The following PCDHGB1 variants were observed in gnomAD, a reference collection of about 807,000 sequenced individuals.
PCDHGB1 encodes protocadherin gamma-B1.
A neutral mutation model predicts 56.6 loss-of-function variants in PCDHGB1; 34 were observed. The ratio of observed to expected loss-of-function variants is 0.60; its 90% confidence interval spans 0.46 to 0.80. The LOEUF (loss-of-function observed/expected upper bound fraction) is 0.80. PCDHGB1 is among the 30% of genes least tolerant of loss of function. PCDHGB1 has a pLI of 0.00. For missense variants in PCDHGB1, 1,278 were observed against 1,204.6 expected (o/e 1.06, Z -0.90); for synonymous variants, 561 against 505.9 (o/e 1.11, Z -1.46).
intron 2 of PCDHGB1, among the ~76,000 whole-genome samples, chr5:141,500,421 G>A (rs1247202322): frequency 6.6e-6 from 1 of 151,852 alleles, no homozygotes; most frequent in Non-Finnish European, 1.5e-5. Flanking sequence ...GTGTTAGCCA[G>A]GATGGTCTCG....
At chr5:141,422,724 G>A (rs560544401) in intron 1 of PCDHGB1, 9 of 1,606,016 alleles carry the variant, frequency 5.6e-6, no homozygotes, top group East Asian at 2.2e-5. Flanking sequence ...CTGTCCAGGG[G>A]GTGCCTCTGT....
At chr5:141,462,019 C>T (rs1276421563) in intron 1 of PCDHGB1, among the ~76,000 whole-genome samples, 6 of 152,178 alleles carry the variant, frequency 3.9e-5, no homozygotes, top group Non-Finnish European at 8.8e-5. Flanking sequence ...GACGGGGTTT[C>T]TTCATGTTGG....
chr5:141,399,465 G>C (rs770080703), intron 1 of PCDHGB1: 20 of 1,614,014 alleles, frequency 1.2e-5, no homozygotes, highest in Non-Finnish European at 1.7e-5. Flanking sequence ...ATAACGCTCC[G>C]GTTTTCCACC....
chr5:141,387,276 GAAAGAAAGATA>G (rs2090886505), intron 1 of PCDHGB1, among the ~76,000 whole-genome samples: 1 of 152,142 alleles, frequency 6.6e-6, no homozygotes, highest in Non-Finnish European at 1.5e-5. Context: ...TAGGAACAAT[GAAAGAAAGATA>G]AAATGTATCC....
Position 141,491,995 on chromosome 5 carries a change from G to C in PCDHGB1, c.2410-2812G>C, listed in dbSNP as rs76332593. On this transcript the variant is annotated intron_variant, in intron 1 of 3. Transcript: ENST00000523390. The surrounding 1 kb of genome is among the most constrained non-coding windows in gnomAD (Gnocchi z 6.9). ...CTCCTTCGAGCTTCCGGTGAATTTC[G>C]GGCGATTTCCGCGGGTGTCGGGGGT... is the stretch of plus-strand genomic sequence containing the variant. 0.033 allele frequency: 22,941 copies of C among 696,644 alleles called. 426 individuals carry two copies. The highest frequency in any genetic ancestry group is 0.093 in the Middle Eastern group (249 of 2,666). The allele number at this position is 696,644 out of a possible 1,614,324, so 43.2% of individuals were successfully genotyped here. A position where few individuals can be genotyped will look rare whatever the true frequency, so the allele number is the denominator to read the frequency against.
intron 1 of PCDHGB1, chr5:141,427,984 C>T (rs754620535): frequency 1.9e-6 from 3 of 1,597,494 alleles, no homozygotes; most frequent in South Asian, 1.1e-5. Context: ...GCGCTGGGGC[C>T]CGATGGCTCC....
rs764729742 is a variant in PCDHGB1 at position 141,450,826 on chromosome 5, A to ATTT, written c.2410-43979_2410-43978insTTT. On this transcript the variant is annotated intron_variant, in intron 1 of 3. Coordinates refer to ENST00000523390, the MANE Select transcript of PCDHGB1 (RefSeq NM_018922.3). ...TATTTATTTATTTAATATTATTATT[A>ATTT]TTATTTTTTTTTTTTTGAGATGGGG... 5.5e-3 allele frequency among the ~76,000 whole-genome samples: 742 copies of ATTT among 134,318 alleles called. 10 individuals are homozygous for ATTT. The highest frequency in any genetic ancestry group is 0.013 in the Middle Eastern group (3 of 230). 88.1% of individuals were successfully genotyped at this position (134,318 alleles called of 152,430 possible).
At chr5:141,428,169 G>T (rs758370904) in intron 1 of PCDHGB1, 5 of 1,539,960 alleles carry the variant, frequency 3.2e-6, no homozygotes, top group South Asian at 2.2e-5. Context: ...GTTGCTGTGC[G>T]TGACGGAGGA....
Position 141,351,905 on chromosome 5 carries a change from G to A in PCDHGB1, c.1645G>A (p.Gly549Ser). ...SANVSLRVLV[G>S]DLNDNAPRVL... is the part of the protein sequence containing the mutation. The stretch of plus-strand genomic sequence containing the variant: ...CAACGTGAGCCTGCGCGTGTTGGTG[G>A]GCGACCTCAATGACAATGCGCCACG... Residue 549 changes from glycine (G) to serine (S), a missense_variant, in exon 1 of 4, where the codon GGC (glycine) becomes AGC (serine). Coordinates refer to ENST00000523390, the MANE Select transcript of PCDHGB1 (RefSeq NM_018922.3). 6 of 1,613,410 alleles carry A rather than the reference G, an allele frequency of 3.7e-6. No homozygotes were observed. Among genetic ancestry groups the A allele is most frequent in the South Asian group, 1.1e-5 (1 of 91,072 alleles).
intron 1 of PCDHGB1, chr5:141,371,027 C>A: frequency 6.2e-7 from 1 of 1,613,992 alleles, no homozygotes; most frequent in South Asian, 1.1e-5. Context: ...ACCACCTGGT[C>A]CTCACAGCTG....
chr5:141,408,561 T>C lies in PCDHGB1; in HGVS notation c.2409+55892T>C. On this transcript the variant is annotated intron_variant, in intron 1 of 3. Coordinates refer to ENST00000523390, the MANE Select transcript of PCDHGB1 (RefSeq NM_018922.3). ...AATCCTTTAAATATTTTTCATGTCA[T>C]TGTGGTGATTGAGGATGTTAATGAC... 6.2e-7 allele frequency: 1 copy of C among 1,613,994 alleles called. No homozygotes were observed.
chr5:141,373,908 A>C, intron 1 of PCDHGB1: 1 of 621,550 alleles, frequency 1.6e-6, no homozygotes, highest in Non-Finnish European at 2.6e-6. Flanking sequence ...ATCCTCCAAC[A>C]ACAAAGCAAA....
intron 1 of PCDHGB1, among the ~76,000 whole-genome samples, chr5:141,436,320 G>A (rs1158221950): frequency 6.6e-6 from 1 of 152,120 alleles, no homozygotes; most frequent in African/African-American, 2.4e-5. Flanking sequence ...AGTCAAGACT[G>A]TTAGACCATA....
chr5:141,455,859 TATTA>T (rs2098833777), intron 1 of PCDHGB1, among the ~76,000 whole-genome samples: 1 of 143,846 alleles, frequency 7.0e-6, no homozygotes, highest in African/African-American at 2.5e-5. Flanking sequence ...TAATTTCTTT[TATTA>T]TTTATTTATT....
In PCDHGB1 at chr5:141,491,623, G is replaced by C; in HGVS notation, c.2410-3184G>C. On this transcript the variant is annotated intron_variant, in intron 1 of 3. Coordinates refer to ENST00000523390, the MANE Select transcript of PCDHGB1 (RefSeq NM_018922.3). The surrounding 1 kb of genome is among the most constrained non-coding windows in gnomAD (Gnocchi z 6.9). ...CTTCACTTTTCTAAGACCCCTCAGC[G>C]TTCAGCAGCCCACAGCTCTGGCGCT... 1 of 1,613,930 alleles carries C rather than the reference G, an allele frequency of 6.2e-7. No individual in the cohort carries two copies. Among genetic ancestry groups the C allele is most frequent in the Non-Finnish European group, 8.5e-7 (1 of 1,180,020 alleles).
intron 1 of PCDHGB1, chr5:141,357,155 C>T (rs2149794664): frequency 6.2e-7 from 1 of 1,613,630 alleles, no homozygotes; most frequent in Non-Finnish European, 8.5e-7. Flanking sequence ...CATGGCCAGC[C>T]CCCTCTCTCG....
rs1387919696 is a variant in PCDHGB1 at position 141,384,415 on chromosome 5, TCC to T, written c.2409+31747_2409+31748del. On this transcript the variant is annotated intron_variant, in intron 1 of 3. Coordinates refer to ENST00000523390, the MANE Select transcript of PCDHGB1 (RefSeq NM_018922.3). ...GGGGGCTCCAGTGTCCTCCTATGTC[TCC>T]ATAAACTCTGACACTGGAGTCCTGT... is the stretch of plus-strand genomic sequence containing the variant. The T allele has an allele frequency of 2.5e-6, 4 of 1,613,776 alleles. No homozygotes were observed. In the East Asian group the frequency reaches 8.9e-5, roughly 36 times the overall value.
intron 1 of PCDHGB1, chr5:141,393,329 C>T: frequency 6.2e-7 from 1 of 1,611,240 alleles, no homozygotes; most frequent in South Asian, 1.1e-5. Flanking sequence ...GCTACCAGCT[C>T]AGCCCCAATC....
rs752147264 is a variant in PCDHGB1, at chr5:141,398,602, G to C, written c.2409+45933G>C. 8 of 1,613,936 alleles carry C rather than the reference G, an allele frequency of 5.0e-6. No individual in the cohort carries two copies. The East Asian group carries it at 1.6e-4, about 31-fold the overall frequency. On this transcript the variant is annotated intron_variant, in intron 1 of 3. Transcript: ENST00000523390. ...AAGATTTATACTAGAAGTAGCAGAA[G>C]ATGCAGATATTGGCTTAAACTCTCT...
Sources: gnomAD v4.1 joint callset for allele counts (sites outside exome capture counted in the v4.1 genomes callset) on GRCh38, gnomAD v4.1.1 for gene constraint, Gnocchi (gnomAD v3.1) non-coding constraint, MANE v1.5 for transcripts, NCBI Gene and HGNC (gene_info 2026-07-23, HGNC 2026-07-21) for gene names.